The following ANKFN1 variants were observed in gnomAD, a reference collection of about 807,000 sequenced individuals.
The protein encoded by ANKFN1 is ankyrin repeat and fibronectin type III domain containing 1, also known as ankyrin repeat and fibronectin type-III domain-containing protein 1.
Under a neutral mutation model 108.7 loss-of-function variants are expected in ANKFN1, and 74 were observed. The ratio of observed to expected loss-of-function variants is 0.68; its 90% confidence interval spans 0.56 to 0.83. The LOEUF (loss-of-function observed/expected upper bound fraction) is 0.83. ANKFN1 is among the 40% of genes least tolerant of loss of function. ANKFN1 has a pLI of 0.00. For missense variants in ANKFN1, 1,505 were observed against 1,382.3 expected, an observed-to-expected ratio of 1.09 and a Z score of -1.41; for synonymous variants, 547 against 516.2, an observed-to-expected ratio of 1.06 and a Z score of -0.81.
intron 3 of ANKFN1, among the ~76,000 whole-genome samples, chr17:56,319,362 A>G (rs2045298968): frequency 1.3e-5 from 2 of 152,334 alleles, no homozygotes; most frequent in Middle Eastern, 6.8e-3. Context: ...TAGAGTATTA[A>G]CTATTTCATT....
At chr17:56,462,366 G>C (rs936756041) in intron 14 of ANKFN1, among the ~76,000 whole-genome samples, 5 of 152,154 alleles carry the variant, frequency 3.3e-5, no homozygotes, top group Admixed American at 3.3e-4. Context: ...AGGCCAAGGC[G>C]GGCAGATCAC....
intron 4 of ANKFN1, among the ~76,000 whole-genome samples, chr17:56,075,498 A>C (rs1253968019): frequency 6.6e-6 from 1 of 152,116 alleles, no homozygotes; most frequent in Non-Finnish European, 1.5e-5. Context: ...CTCCAGCCCC[A>C]AGCAGAGTTC....
At chr17:56,373,098 G>A (rs1598477962) in intron 7 of ANKFN1, among the ~76,000 whole-genome samples, 1 of 152,126 alleles carries the variant, frequency 6.6e-6, no homozygotes, top group East Asian at 1.9e-4. Context: ...CACTCATCTA[G>A]CACTTTCCAT....
rs1451868283 is a variant in ANKFN1, at chr17:56,082,816, T to G, written c.288+36491T>G. The stretch of plus-strand genomic sequence containing the variant: ...ATGTTAGATGTACCGTTCAGTGAAC[T>G]TGGTCCAATGGAGGACAACCAGTTG... On this transcript the variant is annotated intron_variant, in intron 4 of 12. Transcript: ENST00000635860. 2.0e-5 allele frequency among the ~76,000 whole-genome samples: 3 copies of G among 151,690 alleles called. 1 individual carries two copies. Among genetic ancestry groups the G allele is most frequent in the African/African-American group, 7.3e-5 (3 of 41,324 alleles).
At chr17:56,354,715 T>C (rs2046330347) in intron 6 of ANKFN1, among the ~76,000 whole-genome samples, 1 of 152,308 alleles carries the variant, frequency 6.6e-6, no homozygotes, top group African/African-American at 2.4e-5. Flanking sequence ...CGGTAAACAC[T>C]GTAATTTCTG....
chr17:56,073,079 G>T (rs971274591), intron 4 of ANKFN1, among the ~76,000 whole-genome samples: 1 of 150,688 alleles, frequency 6.6e-6, no homozygotes, highest in Non-Finnish European at 1.5e-5. Flanking sequence ...TGCAAGCTCC[G>T]CCTCCCGGGT....
At chr17:56,082,948 G>A (rs570418153) in intron 4 of ANKFN1, among the ~76,000 whole-genome samples, 1 of 151,468 alleles carries the variant, frequency 6.6e-6, no homozygotes, top group South Asian at 2.1e-4. Context: ...TTCCTGAGTG[G>A]TTGCAGAGAT....
intron 4 of ANKFN1, among the ~76,000 whole-genome samples, chr17:56,115,494 T>C (rs548437026): frequency 1.1e-4 from 16 of 152,202 alleles, no homozygotes; most frequent in Admixed American, 9.2e-4. Flanking sequence ...TCTATACAGG[T>C]AAATGGAAGG....
chr17:56,249,574 A>G (rs1013177301), intron 3 of ANKFN1, among the ~76,000 whole-genome samples: 1 of 152,238 alleles, frequency 6.6e-6, no homozygotes, highest in Non-Finnish European at 1.5e-5. Flanking sequence ...GTCCCAGAAT[A>G]GCCAAGACAA....
chr17:56,235,719 A>AT (rs1474008537), intron 3 of ANKFN1, among the ~76,000 whole-genome samples: 1 of 151,870 alleles, frequency 6.6e-6, no homozygotes, highest in Non-Finnish European at 1.5e-5. Context: ...CTATGTGTCT[A>AT]TTTTTGTGCC....
chr17:56,186,797 G>T (rs552649322), intron 1 of ANKFN1, among the ~76,000 whole-genome samples: 2 of 152,138 alleles, frequency 1.3e-5, no homozygotes, highest in South Asian at 2.1e-4. Flanking sequence ...GTTAAAAATC[G>T]CACGGGGCTG....
intron 4 of ANKFN1, among the ~76,000 whole-genome samples, chr17:56,105,915 A>G (rs1431887893): frequency 6.6e-6 from 1 of 151,964 alleles, no homozygotes; most frequent in East Asian, 1.9e-4. Flanking sequence ...AGAGGAGGTA[A>G]AGGCACGGGA....
At chr17:56,093,680 A>G (rs1905463368) in intron 4 of ANKFN1, among the ~76,000 whole-genome samples, 1 of 151,462 alleles carries the variant, frequency 6.6e-6, no homozygotes, top group Admixed American at 6.6e-5. Context: ...TGCTTTCGCA[A>G]GTAAATGTCA....
chr17:56,090,809 T>G (rs1905400634), intron 4 of ANKFN1, among the ~76,000 whole-genome samples: 1 of 151,116 alleles, frequency 6.6e-6, no homozygotes. Flanking sequence ...GCTCTCCCTA[T>G]GTTGCCTAGG....
chr17:56,501,374 A>G (rs2145454757), intron 20 of ANKFN1, among the ~76,000 whole-genome samples: 1 of 152,334 alleles, frequency 6.6e-6, no homozygotes, highest in Middle Eastern at 3.4e-3. Context: ...TGAAGAGACC[A>G]TAAGGGAAAA....
chr17:56,490,414 A>G (rs1454518890), intron 18 of ANKFN1, among the ~76,000 whole-genome samples: 1 of 152,142 alleles, frequency 6.6e-6, no homozygotes, highest in Non-Finnish European at 1.5e-5. Flanking sequence ...CAAAGCATGG[A>G]AGTATAAAAG....
intron 4 of ANKFN1, among the ~76,000 whole-genome samples, chr17:56,333,080 G>C (rs2045709838): frequency 6.6e-6 from 1 of 151,436 alleles, no homozygotes; most frequent in African/African-American, 2.4e-5. Context: ...AGATTTATTA[G>C]ATTATTCTAT....
chr17:56,119,243 A>C (rs1906461614), intron 4 of ANKFN1, among the ~76,000 whole-genome samples: 1 of 152,152 alleles, frequency 6.6e-6, no homozygotes, highest in African/African-American at 2.4e-5. Flanking sequence ...ACCTTGAGGA[A>C]CTTTGACATT....
intron 4 of ANKFN1, among the ~76,000 whole-genome samples, chr17:56,339,764 C>CAT (rs982224420): frequency 7.2e-5 from 11 of 151,934 alleles, no homozygotes; most frequent in African/African-American, 2.7e-4. Flanking sequence ...CTGCAATGAA[C>CAT]ATATGCATGT....
Sources: gnomAD v4.1 joint callset for allele counts (sites outside exome capture counted in the v4.1 genomes callset) on GRCh38, gnomAD v4.1.1 for gene constraint, MANE v1.5 for transcripts, NCBI Gene and HGNC (gene_info 2026-07-23, HGNC 2026-07-21) for gene names.